STAB2: variants seen among roughly 807,000 people sequenced by gnomAD.
The protein encoded by STAB2 is stabilin 2, also known as stabilin-2.
Under a neutral mutation model 338.1 loss-of-function variants are expected in STAB2, and 288 were observed. The ratio of observed to expected loss-of-function variants is 0.85; its 90% confidence interval spans 0.77 to 0.94. The LOEUF (loss-of-function observed/expected upper bound fraction) is 0.94. STAB2 is among the 40% of genes least tolerant of loss of function. The pLI is 0.00. For missense variants in STAB2, 3,141 were observed against 3,210.1 expected (o/e 0.98, Z 0.52); for synonymous variants, 1,202 against 1,193.3 (o/e 1.01, Z -0.15).
chr12:103,732,981 A>T (rs1304716319), intron 50 of STAB2, 25 bp from the exon 51 acceptor site: 1 of 1,609,742 alleles, frequency 6.2e-7, no homozygotes, highest in Non-Finnish European at 8.5e-7. Flanking sequence ...TCAAGCCAGC[A>T]AGGGGCTGAA....
intron 3 of STAB2, among the ~76,000 whole-genome samples, chr12:103,613,099 T>G (rs1485271995): frequency 6.6e-6 from 1 of 152,186 alleles, no homozygotes; most frequent in African/African-American, 2.4e-5. Flanking sequence ...CTGCCCCTAC[T>G]GGGTGGTGCC....
intron 51 of STAB2, among the ~76,000 whole-genome samples, chr12:103,733,715 G>C (rs1352231173): frequency 1.3e-5 from 2 of 151,972 alleles, no homozygotes; most frequent in African/African-American, 2.4e-5. Flanking sequence ...CATGATATAG[G>C]AGCAAGCACA....
At chr12:103,746,944 T>A (rs1354567181) in intron 58 of STAB2, among the ~76,000 whole-genome samples, 2 of 124,694 alleles carry the variant, frequency 1.6e-5, no homozygotes, top group Non-Finnish European at 3.3e-5. Flanking sequence ...AGAATGTTTT[T>A]CTTTCTTTTT....
intron 3 of STAB2, among the ~76,000 whole-genome samples, chr12:103,615,636 C>G (rs1957198645): frequency 6.6e-6 from 1 of 152,164 alleles, no homozygotes; most frequent in South Asian, 2.1e-4. Flanking sequence ...CATTCTCACA[C>G]TGCTATGAAG....
chr12:103,745,840 C>G (rs1192618220), intron 57 of STAB2, among the ~76,000 whole-genome samples: 1 of 152,206 alleles, frequency 6.6e-6, no homozygotes, highest in Non-Finnish European at 1.5e-5. Flanking sequence ...CAAGCAGCTG[C>G]CATTATCACA....
intron 2 of STAB2, among the ~76,000 whole-genome samples, chr12:103,591,868 C>T (rs1956803408): frequency 1.3e-5 from 2 of 152,172 alleles, no homozygotes; most frequent in South Asian, 4.1e-4. Context: ...ACTGCAAATG[C>T]AATTTGTATT....
At chr12:103,696,940 G>A (rs952290021) in intron 33 of STAB2, among the ~76,000 whole-genome samples, 3 of 152,194 alleles carry the variant, frequency 2.0e-5, no homozygotes. Flanking sequence ...TAAGTATGTG[G>A]CTATGGACGA....
intron 11 of STAB2, 50 bp downstream of exon 11, chr12:103,650,628 AG>A: frequency 6.9e-7 from 1 of 1,447,480 alleles, no homozygotes; most frequent in African/African-American, 1.4e-5. Flanking sequence ...GAAAAGCCTT[AG>A]TAGGGAGTAC....
In STAB2 at chr12:103,691,359, C is replaced by T. The variant is rs7138211; in HGVS notation, c.3297+821C>T. Among the ~76,000 whole-genome samples the T allele has an allele frequency of 3.2e-3, 485 of 152,278 alleles. 3 individuals carry two copies. The highest frequency in any genetic ancestry group is 0.011 in the African/African-American group (459 of 41,554). Reference sequence around the variant, plus strand: ...GTGAGCACTATGAAAAAGATCTATGCGTAGTAATACCTACATATATGTGAC... The same window carrying T: ...GTGAGCACTATGAAAAAGATCTATGTGTAGTAATACCTACATATATGTGAC... On this transcript the variant is annotated intron_variant, in intron 30 of 68. Coordinates refer to ENST00000388887, the MANE Select transcript of STAB2 (RefSeq NM_017564.10).
At position 103,728,940 on chromosome 12, in the gene STAB2, T is replaced by C; in HGVS notation, c.5027T>C (p.Leu1676Ser). ...CAGCTGCTTCTGGAAAACCTGAAATTGATCTCAAATGCTACTTCCCTCCAA... is the reference window on the plus strand; with the variant it reads ...CAGCTGCTTCTGGAAAACCTGAAATCGATCTCAAATGCTACTTCCCTCCAA... ...CHQLLLENLK[L>S]ISNATSLQGE... The change falls in exon 48 of 69, where the codon TTG (leucine) becomes TCG (serine). Residue 1676 changes from leucine (L) to serine (S), a missense_variant. Transcript: ENST00000388887. 6.2e-7 allele frequency: 1 copy of C among 1,613,940 alleles called. No individual in the cohort carries two copies. The highest frequency in any genetic ancestry group is 8.5e-7 in the Non-Finnish European group (1 of 1,179,850).
At chr12:103,668,171 T>C (rs1175687027) in intron 19 of STAB2, among the ~76,000 whole-genome samples, 3 of 152,204 alleles carry the variant, frequency 2.0e-5, no homozygotes, top group African/African-American at 7.2e-5. Flanking sequence ...TTGGTTAGAA[T>C]GGAAGGATGC....
intron 2 of STAB2, among the ~76,000 whole-genome samples, chr12:103,593,821 CA>C (rs1956835513): frequency 6.6e-6 from 1 of 152,190 alleles, no homozygotes; most frequent in Non-Finnish European, 1.5e-5. Context: ...GTTTAACCTC[CA>C]TAGAATTGTT....
intron 15 of STAB2, among the ~76,000 whole-genome samples, chr12:103,658,486 G>T (rs1874360672): frequency 6.6e-6 from 1 of 152,112 alleles, no homozygotes; most frequent in Non-Finnish European, 1.5e-5. Context: ...TCTGCTTCTT[G>T]TCAAAAGGAT....
intron 5 of STAB2, among the ~76,000 whole-genome samples, chr12:103,630,281 G>A (rs1406039431): frequency 2.0e-5 from 3 of 152,216 alleles, no homozygotes; most frequent in Non-Finnish European, 4.4e-5. Flanking sequence ...CAGAGACAGA[G>A]AAAACAAAGG....
At chr12:103,734,849 C>T (rs757476102) in intron 51 of STAB2, among the ~76,000 whole-genome samples, 11 of 152,130 alleles carry the variant, frequency 7.2e-5, no homozygotes, top group East Asian at 3.9e-4. Context: ...CTTCTCTCTC[C>T]GCTTCTGGTG....
chr12:103,715,309 A>G (rs932075360), intron 42 of STAB2, among the ~76,000 whole-genome samples: 6 of 149,948 alleles, frequency 4.0e-5, no homozygotes, highest in Admixed American at 2.0e-4. Flanking sequence ...TTATACAGTT[A>G]TTTTTTTTTT....
chr12:103,667,529 G>GA (rs1392033339), intron 19 of STAB2, among the ~76,000 whole-genome samples: 2 of 151,978 alleles, frequency 1.3e-5, no homozygotes, highest in Non-Finnish European at 2.9e-5. Context: ...TCTCAGCCCA[G>GA]GGAAAGAGAA....
At chr12:103,637,918 G>A (rs966288168) in intron 7 of STAB2, 98 bp from the exon 8 acceptor site, 7 of 1,247,140 alleles carry the variant, frequency 5.6e-6, no homozygotes, top group Admixed American at 4.2e-5. Context: ...AAAACTGTGA[G>A]TTGCCTTTGA....
intron 25 of STAB2, among the ~76,000 whole-genome samples, chr12:103,681,624 T>C (rs1032144484): frequency 6.4e-5 from 9 of 141,044 alleles, no homozygotes; most frequent in African/African-American, 1.6e-4. Context: ...TTTTTTTTTT[T>C]TTTTTTTTTT....
Sources: gnomAD v4.1 joint callset for allele counts (sites outside exome capture counted in the v4.1 genomes callset) on GRCh38, gnomAD v4.1.1 for gene constraint, MANE v1.5 for transcripts, NCBI Gene and HGNC (gene_info 2026-07-23, HGNC 2026-07-21) for gene names.